The following ZNF536 variants were observed in gnomAD, a reference collection of about 807,000 sequenced individuals.
ZNF536 encodes the protein zinc finger protein 536.
Under a neutral mutation model 84.5 loss-of-function variants are expected in ZNF536, and 13 were observed. The observed-to-expected ratio is 0.15, with a 90% confidence interval of 0.10 to 0.24. The LOEUF (loss-of-function observed/expected upper bound fraction) is 0.24. Ranked by LOEUF, ZNF536 falls within the 10% of genes least tolerant of loss-of-function variation. The pLI is 1.00. For missense variants in ZNF536, 1,536 were observed against 1,747.5 expected (o/e 0.88, Z 2.16); for synonymous variants, 811 against 742.5 (o/e 1.09, Z -1.50).
intron 1 of ZNF536, among the ~76,000 whole-genome samples, chr19:30,382,922 C>G (rs1339100302): frequency 2.0e-5 from 3 of 152,148 alleles, no homozygotes; most frequent in African/African-American, 7.2e-5. Context: ...AAGAATTTCC[C>G]ATAGAAATCC....
chr19:30,443,008 C>A (rs1265847016), intron 1 of ZNF536, among the ~76,000 whole-genome samples: 2 of 150,600 alleles, frequency 1.3e-5, no homozygotes, highest in African/African-American at 4.9e-5. Flanking sequence ...TTATTATGTA[C>A]CAGTAAATAT....
At chr19:30,677,232 G>A (rs374761264) in intron 1 of ZNF536, among the ~76,000 whole-genome samples, 108 of 152,298 alleles carry the variant, frequency 7.1e-4, no homozygotes, top group African/African-American at 2.5e-3. Flanking sequence ...GAGAGGTTTT[G>A]GCTTCACAAT....
At chr19:30,612,495 C>T (rs910196634) in intron 1 of ZNF536, among the ~76,000 whole-genome samples, 7 of 152,286 alleles carry the variant, frequency 4.6e-5, no homozygotes, top group South Asian at 2.1e-4. Flanking sequence ...GAGGAAAACA[C>T]GGCTTCCCAT....
chr19:30,692,535 A>AG (rs1328458522), intron 1 of ZNF536, among the ~76,000 whole-genome samples: 2 of 152,216 alleles, frequency 1.3e-5, no homozygotes, highest in African/African-American at 2.4e-5. Context: ...GGGAAGTTTA[A>AG]GGGGGGAAAT....
In ZNF536 at chr19:30,454,122, C is replaced by G. The variant is rs2052731998; in HGVS notation, c.2170+8390C>G. 1.3e-5 allele frequency among the ~76,000 whole-genome samples: 2 copies of G among 152,228 alleles called. 1 individual carries two copies. Among genetic ancestry groups the G allele is most frequent in the Admixed American group, 1.3e-4 (2 of 15,280 alleles). Reference sequence around the variant, plus strand: ...AGCTTTTCTTGCAAGCAGTGTCTACCTTTAGGAACCTTTCAGTTTTACTCT... The same window carrying G: ...AGCTTTTCTTGCAAGCAGTGTCTACGTTTAGGAACCTTTCAGTTTTACTCT... On this transcript the variant is annotated intron_variant, in intron 2 of 4. Transcript: ENST00000355537.
At chr19:30,272,799 G>A (rs549075568) in intron 1 of ZNF536, among the ~76,000 whole-genome samples, 107 of 152,112 alleles carry the variant, frequency 7.0e-4, no homozygotes, top group African/African-American at 2.4e-3. Flanking sequence ...TACCACAATC[G>A]AGCTATTCAC....
At chr19:30,250,106 CTG>C (rs1233817858) in intron 1 of ZNF536, among the ~76,000 whole-genome samples, 5 of 152,180 alleles carry the variant, frequency 3.3e-5, no homozygotes, top group Non-Finnish European at 7.4e-5. Flanking sequence ...TTGTGTGACT[CTG>C]ATGTTTGGGA....
At chr19:30,307,591 C>G (rs2046379064) in intron 2 of ZNF536, among the ~76,000 whole-genome samples, 1 of 152,124 alleles carries the variant, frequency 6.6e-6, no homozygotes, top group South Asian at 2.1e-4. Flanking sequence ...ACCGTTCATT[C>G]TGCTGAGAGC....
At chr19:30,611,969 G>A (rs1051902712) in intron 1 of ZNF536, among the ~76,000 whole-genome samples, 1 of 152,102 alleles carries the variant, frequency 6.6e-6, no homozygotes, top group African/African-American at 2.4e-5. Context: ...TCCTGTGCAC[G>A]GATCTTTTGC....
chr19:30,301,940 T>A (rs1371122429), intron 2 of ZNF536, among the ~76,000 whole-genome samples: 15 of 151,868 alleles, frequency 9.9e-5, no homozygotes, highest in Non-Finnish European at 2.2e-4. Context: ...CTCTGCACAC[T>A]GAGGAGGGAG....
chr19:30,624,603 G>A (rs1021339115), intron 1 of ZNF536, among the ~76,000 whole-genome samples: 4 of 152,152 alleles, frequency 2.6e-5, no homozygotes, highest in African/African-American at 4.8e-5. Context: ...TTTCAGGCTT[G>A]TTCAGTTTTA....
chr19:30,235,093 G>A (rs1023496950), intron 1 of ZNF536, among the ~76,000 whole-genome samples: 2 of 152,188 alleles, frequency 1.3e-5, no homozygotes, highest in Non-Finnish European at 2.9e-5. Context: ...ACCTGCAGTG[G>A]CCACTATTGG....
intron 1 of ZNF536, among the ~76,000 whole-genome samples, chr19:30,274,881 T>C (rs778470705): frequency 2.0e-5 from 3 of 152,232 alleles, no homozygotes; most frequent in Non-Finnish European, 4.4e-5. Flanking sequence ...TTCATAGATA[T>C]CTTGGGGTTT....
rs746684461 is a variant in ZNF536, at chr19:30,439,958, TC to T, written c.-2-3602del. 2.4e-3 allele frequency among the ~76,000 whole-genome samples: 307 copies of T among 125,976 alleles called. 5 individuals are homozygous for T. The highest frequency in any genetic ancestry group is 8.5e-3 in the African/African-American group (286 of 33,694). 82.6% of individuals were successfully genotyped at this position (125,976 alleles called of 152,430 possible). ...TTTCTTTCTTTTCTTTTTCTTTCTTTCTTTTTTTTTTTTTTTTTTTTTGACA... is the reference window on the plus strand; with the variant it reads ...TTTCTTTCTTTTCTTTTTCTTTCTTTTTTTTTTTTTTTTTTTTTTTTGACA... On this transcript the variant is annotated intron_variant, in intron 1 of 4. Coordinates refer to ENST00000355537, the MANE Select transcript of ZNF536 (RefSeq NM_014717.3).
At chr19:30,339,029 G>C (rs559040835) in intron 2 of ZNF536, among the ~76,000 whole-genome samples, 1 of 152,166 alleles carries the variant, frequency 6.6e-6, no homozygotes, top group African/African-American at 2.4e-5. Context: ...CCCTCCCCCG[G>C]GCTGTAAAGT....
intron 4 of ZNF536, 199 bp from the exon 5 acceptor site, chr19:30,556,958 A>G (rs2045987123): frequency 3.5e-6 from 2 of 577,468 alleles, no homozygotes; most frequent in South Asian, 2.2e-5. Context: ...CAGCACCTCT[A>G]CGTCTAATTG....
intron 1 of ZNF536, among the ~76,000 whole-genome samples, chr19:30,602,881 G>C (rs2047739051): frequency 6.6e-6 from 1 of 152,202 alleles, no homozygotes; most frequent in East Asian, 1.9e-4. Context: ...CCTTTGAAAA[G>C]CTGCTTAAAA....
chr19:30,269,909 C>A, intron 1 of ZNF536, among the ~76,000 whole-genome samples: 1 of 152,220 alleles, frequency 6.6e-6, no homozygotes. Flanking sequence ...TTTTCAGGGA[C>A]GGCACTGTTT....
chr19:30,616,640 T>C (rs2048304611), intron 1 of ZNF536, among the ~76,000 whole-genome samples: 1 of 152,236 alleles, frequency 6.6e-6, no homozygotes, highest in South Asian at 2.1e-4. Context: ...TCGTCAGGTT[T>C]GATAACCATA....
Sources: allele counts gnomAD v4.1 joint callset (sites outside exome capture counted in the v4.1 genomes callset), GRCh38; gene constraint gnomAD v4.1.1; transcripts MANE v1.5; gene names NCBI Gene and HGNC (gene_info 2026-07-23, HGNC 2026-07-21).